Variants in TMEM88 observed in about 807,000 individuals in gnomAD.
TMEM88 encodes the protein transmembrane protein 88.
A neutral mutation model predicts 10.0 loss-of-function variants in TMEM88; 8 were observed. The ratio of observed to expected loss-of-function variants is 0.80; its 90% CI spans 0.47 to 1.44. The LOEUF (loss-of-function observed/expected upper bound fraction) is 1.44. TMEM88 is among the 40% of genes most tolerant of loss of function. TMEM88 has a pLI of 0.00. For synonymous variants in TMEM88, 139 were observed against 104.9 expected, an observed-to-expected ratio of 1.33 and a Z score of -1.99; for missense variants, 255 against 217.8, an observed-to-expected ratio of 1.17 and a Z score of -1.07.
chr17:7,855,478 C>T lies in TMEM88; in HGVS notation c.244C>T (p.His82Tyr). The change falls in exon 2 of 2, where the codon CAC (histidine) becomes TAC (tyrosine). Residue 82 changes from histidine (H) to tyrosine (Y), a missense_variant. Physicochemically the swap from His to Tyr is moderately conservative, Grantham distance 83. Coordinates refer to ENST00000301599, the MANE Select transcript of TMEM88 (RefSeq NM_203411.2). The stretch of plus-strand genomic sequence containing the variant: ...CTCCCAGGCACCCCCTTGCACCGCG[C>T]ACCTGCGGGACCCCGGTTTCACGGC... ...LRSQAPPCTA[H>Y]LRDPGFTALL... 3 of 1,607,184 alleles carry T rather than the reference C, an allele frequency of 1.9e-6. No homozygotes were observed. In the African/African-American group the frequency reaches 4.0e-5, roughly 21 times the overall value.
chr17:7,856,037 GC>G lies in TMEM88; in HGVS notation c.*324del. ...GTGCAGCTTCTCTAGTATTTCTGGGGCTGGGGGGCGGGGCTGGAGGGGAAGG... is the reference window on the plus strand; with the variant it reads ...GTGCAGCTTCTCTAGTATTTCTGGGGTGGGGGGCGGGGCTGGAGGGGAAGG... On this transcript the variant is annotated 3_prime_UTR_variant, in exon 2 of 2. Transcript: ENST00000301599. 8.3e-7 allele frequency: 1 copy of G among 1,204,292 alleles called. No homozygotes were observed. The highest frequency in any genetic ancestry group is 1.6e-5 in the African/African-American group (1 of 63,504). The allele number at this position is 1,204,292 out of a possible 1,614,324, so 74.6% of individuals were successfully genotyped here.
chr17:7,855,132 G>A lies in TMEM88; in HGVS notation c.58G>A (p.Asp20Asn), dbSNP rs760359891. 1 of 1,610,708 alleles carries A rather than the reference G, an allele frequency of 6.2e-7. No individual in the cohort carries two copies. Among genetic ancestry groups the A allele is most frequent in the Non-Finnish European group, 8.5e-7 (1 of 1,179,694 alleles). Residue 20 changes from aspartate (D) to asparagine (N), a missense_variant, in exon 1 of 2, where the codon GAC (aspartate) becomes AAC (asparagine). Transcript: ENST00000301599. ...AVPGDGPEPR[D>N]PLDCWACAVL... is the part of the protein sequence containing the mutation. ...TCCTGGTGACGGCCCAGAGCCCCGG[G>A]ACCCCCTGGACTGTTGGGCCTGCGC... is the stretch of plus-strand genomic sequence containing the variant.
In TMEM88 at chr17:7,856,066, T is replaced by A; in HGVS notation, c.*352T>A. The A allele has an allele frequency of 2.1e-6, 2 of 950,450 alleles. No homozygotes were observed. Among genetic ancestry groups the A allele is most frequent in the South Asian group, 7.9e-5 (2 of 25,206 alleles). 58.9% of individuals were successfully genotyped at this position (950,450 alleles called of 1,614,324 possible). A position where few individuals can be genotyped will look rare whatever the true frequency, so the allele number is the denominator to read the frequency against. On this transcript the variant is annotated 3_prime_UTR_variant, in exon 2 of 2. Transcript: ENST00000301599. Reference sequence around the variant, plus strand: ...GGGGGCGGGGCTGGAGGGGAAGGAGTGTCCACGCATCAATAAAGATTTAAC... The same window carrying A: ...GGGGGCGGGGCTGGAGGGGAAGGAGAGTCCACGCATCAATAAAGATTTAAC...
Position 7,855,676 on chromosome 17 carries a change from T to A in TMEM88, c.442T>A (p.Ser148Thr), listed in dbSNP as rs749361363. ...QPRQIRASPG[S>T]QAVPTSGKVW... is the part of the protein sequence containing the mutation. ...GCGGCAAATCCGGGCCTCACCAGGGTCCCAGGCCGTTCCCACATCAGGAAA... is the reference window on the plus strand; with the variant it reads ...GCGGCAAATCCGGGCCTCACCAGGGACCCAGGCCGTTCCCACATCAGGAAA... Residue 148 changes from serine to threonine, a missense_variant, in exon 2 of 2, where the codon TCC becomes ACC. Coordinates refer to ENST00000301599, the MANE Select transcript of TMEM88 (RefSeq NM_203411.2). The A allele has an allele frequency of 6.3e-7, 1 of 1,598,362 alleles. No individual in the cohort carries two copies. The highest frequency in any genetic ancestry group is 2.2e-5 in the East Asian group (1 of 44,488).
chr17:7,855,327 G>A lies in TMEM88; in HGVS notation c.210+43G>A, dbSNP rs1256181158. 4 of 1,590,048 alleles carry A rather than the reference G, an allele frequency of 2.5e-6. No individual in the cohort carries two copies. The African/African-American group carries it at 4.0e-5, about 16-fold the overall frequency. ...GGTGTGCGTGTGAGTGTGAGTGTTG[G>A]TGTGTGGTGATGCTGGCGGTGGGGT... On this transcript the variant is annotated intron_variant, in intron 1 of 1. Coordinates refer to ENST00000301599, the MANE Select transcript of TMEM88 (RefSeq NM_203411.2).
In TMEM88 at chr17:7,855,905, T is replaced by G. The variant is rs545135932; in HGVS notation, c.*191T>G. ...CCCCCACATCCCGGAAAACCCACTT[T>G]CCTTTCACGACCCACATCTCAATCC... On this transcript the variant is annotated 3_prime_UTR_variant, in exon 2 of 2. Coordinates refer to ENST00000301599, the MANE Select transcript of TMEM88 (RefSeq NM_203411.2). 7.2e-7 allele frequency: 1 copy of G among 1,389,778 alleles called. No individual in the cohort carries two copies. Among genetic ancestry groups the G allele is most frequent in the East Asian group, 2.7e-5 (1 of 37,210 alleles). The allele number at this position is 1,389,778 out of a possible 1,614,324, so 86.1% of individuals were successfully genotyped here. A position where few individuals can be genotyped will look rare whatever the true frequency, so the allele number is the denominator to read the frequency against.
intron 1 of TMEM88, 26 bp downstream of exon 1, chr17:7,855,310 TGTGA>T (rs772815673): frequency 6.6e-5 from 105 of 1,587,642 alleles, no homozygotes; most frequent in Non-Finnish European, 8.0e-5. Context: ...GGGGTGTGCG[TGTGA>T]GTGTGAGTGT....
Position 7,855,074 on chromosome 17 carries a change from C to T in TMEM88, c.-1C>T, listed in dbSNP as rs767101731. 1.3e-6 allele frequency: 2 copies of T among 1,599,508 alleles called. No homozygotes were observed. The highest frequency in any genetic ancestry group is 1.1e-5 in the South Asian group (1 of 90,634). On this transcript the variant is annotated 5_prime_UTR_variant, in exon 1 of 2. Coordinates refer to ENST00000301599, the MANE Select transcript of TMEM88 (RefSeq NM_203411.2). ...CCAGGCGGGCGGGATCCAGGCGGGC[C>T]ATGGCGGATGTCCCCGGGGCACAGC...
Position 7,855,685 on chromosome 17 carries a change from G to T in TMEM88, c.451G>T (p.Val151Phe). The T allele has an allele frequency of 1.3e-6, 2 of 1,592,918 alleles. No individual in the cohort carries two copies. The highest frequency in any genetic ancestry group is 8.5e-7 in the Non-Finnish European group (1 of 1,169,848). ...CCGGGCCTCACCAGGGTCCCAGGCC[G>T]TTCCCACATCAGGAAAGGTCTGGGT... ...QIRASPGSQA[V>F]PTSGKVWV Residue 151 changes from valine (V) to phenylalanine (F), a missense_variant, in exon 2 of 2, where the codon GTT (valine) becomes TTT (phenylalanine). Transcript: ENST00000301599.
rs2151382209 is a variant in TMEM88, at chr17:7,855,701, A to G, written c.467A>G (p.Lys156Arg). 6.3e-7 allele frequency: 1 copy of G among 1,577,206 alleles called. No individual in the cohort carries two copies. Among genetic ancestry groups the G allele is most frequent in the Non-Finnish European group, 8.6e-7 (1 of 1,160,142 alleles). The change falls in exon 2 of 2, where the codon AAG becomes AGG. Residue 156 changes from lysine to arginine, a missense_variant. Lys to Arg is a conservative substitution (Grantham distance 26, BLOSUM62 2). Coordinates refer to ENST00000301599, the MANE Select transcript of TMEM88 (RefSeq NM_203411.2). ...PGSQAVPTSG[K>R]VWV ...TCCCAGGCCGTTCCCACATCAGGAA[A>G]GGTCTGGGTCTAATGACCCTCGAGT...
chr17:7,855,508 C>G lies in TMEM88; in HGVS notation c.274C>G (p.Leu92Val). The change falls in exon 2 of 2, where the codon CTG (leucine) becomes GTG (valine). Residue 92 changes from leucine to valine, a missense_variant. Coordinates refer to ENST00000301599, the MANE Select transcript of TMEM88 (RefSeq NM_203411.2). The part of the protein sequence containing the change: ...HLRDPGFTAL[L>V]VTGFLLLVPL... ...GCGGGACCCCGGTTTCACGGCCCTACTGGTCACCGGATTCCTGCTCCTCGT... is the reference window on the plus strand; with the variant it reads ...GCGGGACCCCGGTTTCACGGCCCTAGTGGTCACCGGATTCCTGCTCCTCGT... 1 of 1,608,912 alleles carries G rather than the reference C, an allele frequency of 6.2e-7. No homozygotes were observed. Among genetic ancestry groups the G allele is most frequent in the South Asian group, 1.1e-5 (1 of 91,080 alleles).
At position 7,855,765 on chromosome 17, in the gene TMEM88, C is replaced by T; in HGVS notation, c.*51C>T. Reference sequence around the variant, plus strand: ...GACGGCTGCCCTCCCTCTTATTCGGCCCAAGGACTTGAAGCCCGGCATCTT... The same window carrying T: ...GACGGCTGCCCTCCCTCTTATTCGGTCCAAGGACTTGAAGCCCGGCATCTT... On this transcript the variant is annotated 3_prime_UTR_variant, in exon 2 of 2. Coordinates refer to ENST00000301599, the MANE Select transcript of TMEM88 (RefSeq NM_203411.2). The T allele has an allele frequency of 6.9e-7, 1 of 1,458,502 alleles. No individual in the cohort carries two copies. Among genetic ancestry groups the T allele is most frequent in the Non-Finnish European group, 9.1e-7 (1 of 1,104,884 alleles). 90.3% of individuals were successfully genotyped at this position (1,458,502 alleles called of 1,614,324 possible). A position where few individuals can be genotyped will look rare whatever the true frequency, so the allele number is the denominator to read the frequency against.
In TMEM88 at chr17:7,855,914, G is replaced by A; in HGVS notation, c.*200G>A. ...CCCGGAAAACCCACTTTCCTTTCAC[G>A]ACCCACATCTCAATCCTGAACATCT... On this transcript the variant is annotated 3_prime_UTR_variant, in exon 2 of 2. Coordinates refer to ENST00000301599, the MANE Select transcript of TMEM88 (RefSeq NM_203411.2). 1 of 1,387,596 alleles carries A rather than the reference G, an allele frequency of 7.2e-7. No homozygotes were observed. Among genetic ancestry groups the A allele is most frequent in the Non-Finnish European group, 9.3e-7 (1 of 1,074,272 alleles). 86.0% of individuals were successfully genotyped at this position (1,387,596 alleles called of 1,614,324 possible). A position where few individuals can be genotyped will look rare whatever the true frequency, so the allele number is the denominator to read the frequency against.
Position 7,855,206 on chromosome 17 carries a change from C to T in TMEM88, c.132C>T (p.Leu44=), listed in dbSNP as rs757582087. ...TGCTGGTGGCTGCCTTCAATCTTCT[C>T]CTGCTGGTGCTGGTGCTAGGGACCA... ...QNLLVAAFNL[L]LLVLVLGTIL... The change falls in exon 1 of 2, where the codon CTC becomes CTT. Residue 44 remains leucine (L), a synonymous_variant. Transcript: ENST00000301599. 22 of 1,609,422 alleles carry T rather than the reference C, an allele frequency of 1.4e-5. No individual in the cohort carries two copies. Among genetic ancestry groups the T allele is most frequent in the Non-Finnish European group, 1.9e-5 (22 of 1,178,326 alleles).
rs1597868210 is a variant in TMEM88, at chr17:7,855,923, C to G, written c.*209C>G. The G allele has an allele frequency of 1.4e-6, 2 of 1,380,428 alleles. No individual in the cohort carries two copies. Among genetic ancestry groups the G allele is most frequent in the Non-Finnish European group, 1.9e-6 (2 of 1,070,328 alleles). The allele number at this position is 1,380,428 out of a possible 1,614,324, so 85.5% of individuals were successfully genotyped here. A position where few individuals can be genotyped will look rare whatever the true frequency, so the allele number is the denominator to read the frequency against. Reference sequence around the variant, plus strand: ...CCCACTTTCCTTTCACGACCCACATCTCAATCCTGAACATCTAGGCTGGAA... The same window carrying G: ...CCCACTTTCCTTTCACGACCCACATGTCAATCCTGAACATCTAGGCTGGAA... On this transcript the variant is annotated 3_prime_UTR_variant, in exon 2 of 2. Coordinates refer to ENST00000301599, the MANE Select transcript of TMEM88 (RefSeq NM_203411.2).
rs1022004726 is a variant in TMEM88 at position 7,855,964 on chromosome 17, C to T, written c.*250C>T. 2.3e-6 allele frequency: 3 copies of T among 1,304,198 alleles called. No homozygotes were observed. The highest frequency in any genetic ancestry group is 1.5e-5 in the African/African-American group (1 of 65,786). The allele number at this position is 1,304,198 out of a possible 1,614,324, so 80.8% of individuals were successfully genotyped here. On this transcript the variant is annotated 3_prime_UTR_variant, in exon 2 of 2. Transcript: ENST00000301599. Reference sequence around the variant, plus strand: ...TAGGCTGGAACCTGCACACCTCCCCCTCAGCTCCGTCGTGAATGGGACAAC... The same window carrying T: ...TAGGCTGGAACCTGCACACCTCCCCTTCAGCTCCGTCGTGAATGGGACAAC...
At position 7,855,165 on chromosome 17, in the gene TMEM88, G is replaced by GT; in HGVS notation, c.92dup (p.Thr32AsnfsTer205). 6.2e-7 allele frequency: 1 copy of GT among 1,611,852 alleles called. No individual in the cohort carries two copies. Among genetic ancestry groups the GT allele is most frequent in the South Asian group, 1.1e-5 (1 of 90,620 alleles). On this transcript the variant is annotated frameshift_variant, in exon 1 of 2. Coordinates refer to ENST00000301599, the MANE Select transcript of TMEM88 (RefSeq NM_203411.2). LOFTEE classifies it high-confidence loss of function. ...GGACTGTTGGGCCTGCGCTGTTCTT[G>GT]TAACAGCCCAGAATCTGCTGGTGGC...
In TMEM88 at chr17:7,855,620, C is replaced by T. The variant is rs2078798141; in HGVS notation, c.386C>T (p.Ala129Val). Residue 129 changes from alanine to valine, a missense_variant, in exon 2 of 2, where the codon GCC becomes GTC. Physicochemically the swap from Ala to Val is moderately conservative, Grantham distance 64. Transcript: ENST00000301599. ...LADCLVPYSRALYRRRRAPQP... is the reference protein window; with the variant it reads ...LADCLVPYSRVLYRRRRAPQP... ...GATTGCCTCGTGCCCTACAGCCGAG[C>T]CCTTTATCGGCGTCGGCGCGCCCCG... is the stretch of plus-strand genomic sequence containing the variant. 16 of 1,609,276 alleles carry T rather than the reference C, an allele frequency of 9.9e-6. No individual in the cohort carries two copies. The highest frequency in any genetic ancestry group is 1.3e-5 in the Non-Finnish European group (15 of 1,179,784).
At position 7,855,870 on chromosome 17, in the gene TMEM88, C is replaced by A; in HGVS notation, c.*156C>A. The A allele has an allele frequency of 5.7e-6, 8 of 1,405,084 alleles. No homozygotes were observed. In the South Asian group the frequency reaches 1.3e-4, roughly 23 times the overall value. 87.0% of individuals were successfully genotyped at this position (1,405,084 alleles called of 1,614,324 possible). On this transcript the variant is annotated 3_prime_UTR_variant, in exon 2 of 2. Transcript: ENST00000301599. ...AGCAGCAGCGTCAGTGGACCCAGTG[C>A]TGAGAAAAGCCCCCACATCCCGGAA...
Sources: allele counts gnomAD v4.1 joint callset, GRCh38; gene constraint gnomAD v4.1.1; transcripts MANE v1.5; gene names NCBI Gene and HGNC (gene_info 2026-07-23, HGNC 2026-07-21).